NBAS: variants seen among roughly 807,000 people sequenced by gnomAD.
NBAS encodes the protein NAG/BC035112 fusion.
In NBAS, 219 loss-of-function variants were observed where a neutral mutation model predicts 302.5. That is an observed-to-expected ratio of 0.72 (90% CI 0.65 to 0.81). The LOEUF (loss-of-function observed/expected upper bound fraction) is 0.81, where lower values mean the gene tolerates loss of function less well. Among genes scored for constraint, NBAS ranks in the 30% least tolerant of loss-of-function variants. NBAS has a pLI of 0.00. For synonymous variants in NBAS, 1,118 were observed against 1,021.6 expected, an observed-to-expected ratio of 1.09 and a Z score of -1.80; for missense variants, 2,932 against 2,841.6, an observed-to-expected ratio of 1.03 and a Z score of -0.72.
At chr2:15,244,449 T>G (rs1667998132) in intron 44 of NBAS, among the ~76,000 whole-genome samples, 1 of 152,222 alleles carries the variant, frequency 6.6e-6, no homozygotes, top group East Asian at 1.9e-4. Flanking sequence ...TAAGGCCCCT[T>G]ACCTACCCCA....
the NBAS span, among the ~76,000 whole-genome samples, chr2:15,129,938 A>G: frequency 2.0e-5 from 3 of 152,264 alleles, no homozygotes; most frequent in Admixed American, 2.0e-4. Flanking sequence ...TAAAATACAC[A>G]TAACGTAAAA....
At chr2:15,435,014 C>G (rs1677943730) in intron 21 of NBAS, among the ~76,000 whole-genome samples, 1 of 152,102 alleles carries the variant, frequency 6.6e-6, no homozygotes, top group Non-Finnish European at 1.5e-5. Flanking sequence ...TGACAAATAG[C>G]CTTTAGACTA....
At chr2:14,794,079 G>T in the NBAS span, among the ~76,000 whole-genome samples, 3 of 152,268 alleles carry the variant, frequency 2.0e-5, no homozygotes, top group Non-Finnish European at 2.9e-5. Flanking sequence ...AGAAAGAAAT[G>T]ATTTAAGAAA....
At chr2:14,859,564 A>G in the NBAS span, among the ~76,000 whole-genome samples, 1 of 152,100 alleles carries the variant, frequency 6.6e-6, no homozygotes, top group Non-Finnish European at 1.5e-5. Context: ...CAACAAAGGT[A>G]CCAAGAACAT....
At chr2:15,123,896 G>A in the NBAS span, among the ~76,000 whole-genome samples, 7 of 152,340 alleles carry the variant, frequency 4.6e-5, no homozygotes, top group Non-Finnish European at 1.0e-4. Context: ...TTGCTGTAAA[G>A]ACACCTGAAA....
At chr2:15,277,243 C>A in intron 42 of NBAS, 142 bp from the exon 43 acceptor site, 1 of 1,047,846 alleles carries the variant, frequency 9.5e-7, no homozygotes, top group South Asian at 1.6e-5. Flanking sequence ...CACCAGAAGC[C>A]AGTCAGCCTG....
At chr2:15,018,080 TA>T in the NBAS span, among the ~76,000 whole-genome samples, 2 of 151,932 alleles carry the variant, frequency 1.3e-5, no homozygotes, top group Admixed American at 6.6e-5. Flanking sequence ...TGTAGAAACT[TA>T]AAAAAAGTGG....
intron 40 of NBAS, among the ~76,000 whole-genome samples, chr2:15,303,661 T>C (rs145144223): frequency 1.6e-3 from 239 of 152,358 alleles, no homozygotes; most frequent in Non-Finnish European, 2.6e-3. Flanking sequence ...TCCTGACTTA[T>C]CTGAGTCACA....
chr2:15,142,256 C>T, the NBAS span, among the ~76,000 whole-genome samples: 1 of 152,180 alleles, frequency 6.6e-6, no homozygotes, highest in Non-Finnish European at 1.5e-5. Context: ...AATAGAGCAA[C>T]TGAGAGCAGC....
intron 28 of NBAS, chr2:15,393,668 T>C (rs1175440336): frequency 2.1e-6 from 1 of 470,776 alleles, no homozygotes; most frequent in Non-Finnish European, 4.4e-6. Flanking sequence ...GCAACTTTAT[T>C]TGTAAAAGCC....
the NBAS span, among the ~76,000 whole-genome samples, chr2:15,075,786 T>C: frequency 1.4e-5 from 2 of 139,280 alleles, no homozygotes; most frequent in Admixed American, 7.5e-5. Context: ...CACACACATA[T>C]ACACACAGAA....
At chr2:15,256,974 G>A (rs1194478356) in intron 44 of NBAS, among the ~76,000 whole-genome samples, 1 of 152,020 alleles carries the variant, frequency 6.6e-6, no homozygotes, top group Non-Finnish European at 1.5e-5. Flanking sequence ...GAGGATTTTT[G>A]CATCTATGAT....
the NBAS span, among the ~76,000 whole-genome samples, chr2:14,954,903 T>C: frequency 6.6e-6 from 1 of 152,124 alleles, no homozygotes; most frequent in Non-Finnish European, 1.5e-5. Context: ...ACAATTGCAC[T>C]CCTGACCCCT....
intron 20 of NBAS, 51 bp downstream of exon 20, chr2:15,461,636 T>C (rs774296273): frequency 8.1e-6 from 9 of 1,109,176 alleles, no homozygotes; most frequent in Non-Finnish European, 1.2e-5. Flanking sequence ...AGCTCAAAGA[T>C]TTAGAGAGTG....
intron 47 of NBAS, among the ~76,000 whole-genome samples, chr2:15,219,990 G>GC (rs1306651608): frequency 4.2e-5 from 6 of 141,660 alleles, no homozygotes; most frequent in Admixed American, 1.4e-4. Context: ...GGGCAGAGGC[G>GC]CCCCTCACCT....
intron 44 of NBAS, among the ~76,000 whole-genome samples, chr2:15,256,667 G>A (rs1252227642): frequency 6.6e-6 from 1 of 152,174 alleles, no homozygotes; most frequent in African/African-American, 2.4e-5. Flanking sequence ...ACTTTTCCCT[G>A]TTCAGTATAA....
chr2:15,345,120 C>G (rs556280494), intron 35 of NBAS, among the ~76,000 whole-genome samples: 2 of 152,268 alleles, frequency 1.3e-5, no homozygotes, highest in East Asian at 3.9e-4. Context: ...CCCTCTCTCA[C>G]CGCTCCTATT....
At chr2:15,150,389 T>A in the NBAS span, among the ~76,000 whole-genome samples, 1 of 152,180 alleles carries the variant, frequency 6.6e-6, no homozygotes, top group Admixed American at 6.5e-5. Context: ...CACCCAGTAC[T>A]GAAACTCTTA....
At chr2:15,144,483 T>C in the NBAS span, among the ~76,000 whole-genome samples, 1 of 152,226 alleles carries the variant, frequency 6.6e-6, no homozygotes, top group Non-Finnish European at 1.5e-5. Flanking sequence ...ATAAAATGTG[T>C]ATTGAGCAAC....
Sources: allele counts gnomAD v4.1 joint callset (sites outside exome capture counted in the v4.1 genomes callset), GRCh38; gene constraint gnomAD v4.1.1; transcripts MANE v1.5; gene names NCBI Gene and HGNC (gene_info 2026-07-23, HGNC 2026-07-21).